CCDC141: variants seen among roughly 807,000 people sequenced by gnomAD.
CCDC141 encodes the protein coiled-coil domain-containing protein 141.
In CCDC141, 168 loss-of-function variants were observed where a neutral mutation model predicts 181.0. The observed-to-expected ratio is 0.93, with a 90% CI of 0.82 to 1.05. CCDC141 has a LOEUF of 1.05. Ranked by LOEUF, CCDC141 falls within the 50% of genes least tolerant of loss-of-function variation. CCDC141 has a pLI of 0.00. For missense variants in CCDC141, 1,902 were observed against 1,788.5 expected (o/e 1.06, Z -1.14); for synonymous variants, 666 against 642.3 (o/e 1.04, Z -0.56).
chr2:178,847,849 C>T (rs1344894886), intron 21 of CCDC141, among the ~76,000 whole-genome samples: 1 of 152,092 alleles, frequency 6.6e-6, no homozygotes. Context: ...AGGATTAGTG[C>T]CCTTAGAAAA....
chr2:179,045,143 C>T lies in CCDC141; in HGVS notation c.225+2141G>A, dbSNP rs368096669. ...GTCATCTAGCATTAGGTATATCTCC[C>T]AATGCTATCCCTCCCCCCTCCCCTC... On this transcript the variant is annotated intron_variant, in intron 2 of 23. Transcript: ENST00000443758. Among the ~76,000 whole-genome samples the T allele has an allele frequency of 4.6e-3, 682 of 149,348 alleles. 9 individuals are homozygous for T. Among genetic ancestry groups the T allele is most frequent in the African/African-American group, 0.016 (642 of 40,374 alleles).
intron 12 of CCDC141, chr2:178,873,289 G>A (rs1686201040): frequency 8.4e-6 from 1 of 118,982 alleles, no homozygotes; most frequent in South Asian, 3.1e-4. Flanking sequence ...TTATAAAGTG[G>A]CAACTCCAAA....
chr2:178,870,645 C>T (rs4894057), intron 14 of CCDC141, among the ~76,000 whole-genome samples: 131,747 of 152,206 alleles, frequency 0.87, 57,037 homozygotes, highest in East Asian at 0.99. Flanking sequence ...ATACTTACAT[C>T]GGTTTTTGTC....
chr2:179,049,772 T>G, intron 1 of CCDC141, 68 bp downstream of exon 1: 1 of 1,513,346 alleles, frequency 6.6e-7, no homozygotes, highest in Non-Finnish European at 9.0e-7. Flanking sequence ...CATGGAATGT[T>G]CTTTAGGGTT....
rs1364671403 is a variant in CCDC141, at chr2:178,847,278, C to G, written c.3358-1536G>C. 2.0e-5 allele frequency among the ~76,000 whole-genome samples: 3 copies of G among 152,222 alleles called. No homozygotes were observed. In the East Asian group the frequency reaches 5.8e-4, roughly 29 times the overall value. The stretch of plus-strand genomic sequence containing the variant: ...GGTGCGGTGGCTCACACCTGTAACC[C>G]CAGCATTTTGAGAGGCCAAGGCGGA... On this transcript the variant is annotated intron_variant, in intron 21 of 23. Transcript: ENST00000443758.
intron 15 of CCDC141, 116 bp from the exon 16 acceptor site, chr2:178,868,321 T>A: frequency 1.2e-6 from 1 of 807,098 alleles, no homozygotes; most frequent in East Asian, 2.6e-5. Flanking sequence ...AAGCCCATCT[T>A]TAAACTGTTG....
chr2:178,899,138 T>C (rs1353085540), intron 8 of CCDC141, among the ~76,000 whole-genome samples: 5 of 152,210 alleles, frequency 3.3e-5, no homozygotes, highest in Non-Finnish European at 7.3e-5. Context: ...TTTAGATACA[T>C]GAATACCATT....
intron 2 of CCDC141, among the ~76,000 whole-genome samples, chr2:178,984,846 G>A (rs1488790095): frequency 6.6e-6 from 1 of 151,986 alleles, no homozygotes; most frequent in Non-Finnish European, 1.5e-5. Flanking sequence ...AAGAGACTTA[G>A]ACTCCCACAC....
chr2:178,974,715 A>C (rs1251266635), intron 4 of CCDC141, among the ~76,000 whole-genome samples: 1 of 152,176 alleles, frequency 6.6e-6, no homozygotes, highest in Non-Finnish European at 1.5e-5. Flanking sequence ...TTATTCAACT[A>C]AGAAAATTTC....
intron 5 of CCDC141, among the ~76,000 whole-genome samples, chr2:178,958,188 T>G (rs1378384435): frequency 6.6e-6 from 1 of 152,162 alleles, no homozygotes; most frequent in Non-Finnish European, 1.5e-5. Flanking sequence ...TGAAAATGGT[T>G]TCTATGATGC....
intron 1 of CCDC141, among the ~76,000 whole-genome samples, chr2:179,047,679 T>C (rs539552155): frequency 6.6e-6 from 1 of 152,298 alleles, no homozygotes; most frequent in Non-Finnish European, 1.5e-5. Flanking sequence ...AATTCCCAAG[T>C]GAGGAAAACA....
At chr2:178,841,320 G>A (rs1280851275) in intron 22 of CCDC141, among the ~76,000 whole-genome samples, 15 of 152,200 alleles carry the variant, frequency 9.9e-5, no homozygotes, top group African/African-American at 3.6e-4. Context: ...AGCATCATAA[G>A]TGTGTTTATC....
At chr2:179,047,650 A>G (rs1352719243) in intron 1 of CCDC141, among the ~76,000 whole-genome samples, 2 of 152,182 alleles carry the variant, frequency 1.3e-5, no homozygotes, top group Non-Finnish European at 2.9e-5. Context: ...CTCTCTTGGC[A>G]TATTGGATTT....
At chr2:178,889,140 C>T (rs983274216) in intron 8 of CCDC141, among the ~76,000 whole-genome samples, 6 of 151,986 alleles carry the variant, frequency 3.9e-5, no homozygotes, top group Non-Finnish European at 1.5e-5. Context: ...ATTATGAATG[C>T]TCAAGGCTGT....
chr2:178,976,665 T>C (rs1655373135), intron 3 of CCDC141, among the ~76,000 whole-genome samples: 1 of 152,188 alleles, frequency 6.6e-6, no homozygotes, highest in African/African-American at 2.4e-5. Flanking sequence ...AGCCATGCAA[T>C]TATTAGTAAT....
At chr2:179,032,410 G>A (rs1201518456) in intron 2 of CCDC141, among the ~76,000 whole-genome samples, 3 of 152,074 alleles carry the variant, frequency 2.0e-5, no homozygotes, top group South Asian at 2.1e-4. Context: ...AACACAAAAA[G>A]CAAAAAACAA....
chr2:178,908,627 T>C (rs78330447), intron 7 of CCDC141, among the ~76,000 whole-genome samples: 1,723 of 152,320 alleles, frequency 0.011, 36 homozygotes, highest in African/African-American at 0.039. Flanking sequence ...ACATTTAGAA[T>C]TGAGAACCCC....
intron 11 of CCDC141, among the ~76,000 whole-genome samples, chr2:178,880,221 G>A (rs1226751558): frequency 6.6e-6 from 1 of 152,114 alleles, no homozygotes; most frequent in Non-Finnish European, 1.5e-5. Flanking sequence ...TATTATTATA[G>A]AAATTCCCTT....
At chr2:178,962,638 C>CCTT (rs1553490960) in intron 4 of CCDC141, among the ~76,000 whole-genome samples, 40 of 147,994 alleles carry the variant, frequency 2.7e-4, no homozygotes, top group African/African-American at 9.5e-4. Flanking sequence ...TTCTTTCTTT[C>CCTT]CTTTCCTTCT....
Sources: allele counts gnomAD v4.1 joint callset (sites outside exome capture counted in the v4.1 genomes callset), GRCh38; gene constraint gnomAD v4.1.1; transcripts MANE v1.5; gene names NCBI Gene and HGNC (gene_info 2026-07-23, HGNC 2026-07-21).